The following ERBB4 variants were observed in gnomAD, a reference collection of about 807,000 sequenced individuals.
The protein encoded by ERBB4 is erb-b2 receptor tyrosine kinase 4, also known as receptor tyrosine-protein kinase erbB-4.
Under a neutral mutation model 158.0 loss-of-function variants are expected in ERBB4, and 42 were observed. The observed-to-expected ratio is 0.27, with a 90% CI of 0.21 to 0.34. The LOEUF is 0.34. Among genes scored for constraint, ERBB4 ranks in the 10% least tolerant of loss-of-function variants. The pLI is 1.00. For missense variants in ERBB4, 1,333 were observed against 1,624.1 expected (o/e 0.82, Z 3.08); for synonymous variants, 583 against 558.7 (o/e 1.04, Z -0.61).
At chr2:211,448,467 TACACACACACAC>T (rs3067955) in intron 20 of ERBB4, among the ~76,000 whole-genome samples, 1 of 149,540 alleles carries the variant, frequency 6.7e-6, no homozygotes, top group Non-Finnish European at 1.5e-5. Context: ...CCCAAACAGA[TACACACACACAC>T]ACACACACAC....
At chr2:211,651,141 AC>A (rs543386004) in intron 16 of ERBB4, among the ~76,000 whole-genome samples, 54 of 152,188 alleles carry the variant, frequency 3.5e-4, no homozygotes, top group Non-Finnish European at 5.4e-4. Flanking sequence ...CTGAGACCTT[AC>A]CTTACAGTAT....
chr2:211,947,151 C>A (rs1036347275), intron 3 of ERBB4, among the ~76,000 whole-genome samples: 4 of 152,126 alleles, frequency 2.6e-5, no homozygotes, highest in Non-Finnish European at 5.9e-5. Flanking sequence ...CCAAACACAG[C>A]ATGTTTCATA....
intron 5 of ERBB4, among the ~76,000 whole-genome samples, chr2:211,749,096 T>G (rs2075054831): frequency 6.6e-6 from 1 of 152,220 alleles, no homozygotes; most frequent in Admixed American, 6.5e-5. Context: ...CTGACTATGT[T>G]TCATCTAACC....
intron 2 of ERBB4, among the ~76,000 whole-genome samples, chr2:211,995,065 C>A (rs149432504): frequency 6.6e-6 from 1 of 152,130 alleles, no homozygotes; most frequent in Non-Finnish European, 1.5e-5. Context: ...AACAAAAAAC[C>A]CTGAGTGGGG....
At chr2:211,984,101 T>C (rs1350630787) in intron 2 of ERBB4, among the ~76,000 whole-genome samples, 1 of 152,094 alleles carries the variant, frequency 6.6e-6, no homozygotes, top group Non-Finnish European at 1.5e-5. Flanking sequence ...TGCCAGCAGA[T>C]TCAGTGGCTG....
Position 211,725,204 on chromosome 2 carries a change from A to C in ERBB4, c.623-10T>G. On this transcript the variant is annotated splice_polypyrimidine_tract_variant and intron_variant, in intron 5 of 27. Transcript: ENST00000342788. ...CACACCGTCCTTGTCACTGCAGAAG[A>C]CAGAGATAGGACCATGATCAAAGTC... 1 of 1,597,974 alleles carries C rather than the reference A, an allele frequency of 6.3e-7. No homozygotes were observed. The highest frequency in any genetic ancestry group is 8.6e-7 in the Non-Finnish European group (1 of 1,165,270).
At chr2:211,966,036 A>T (rs1448280097) in intron 2 of ERBB4, among the ~76,000 whole-genome samples, 1 of 151,830 alleles carries the variant, frequency 6.6e-6, no homozygotes, top group African/African-American at 2.4e-5. Flanking sequence ...ACTCAGGGAG[A>T]CCCTCTCTCT....
intron 19 of ERBB4, among the ~76,000 whole-genome samples, chr2:211,618,523 G>C (rs2069478353): frequency 6.6e-6 from 1 of 151,872 alleles, no homozygotes; most frequent in Non-Finnish European, 1.5e-5. Flanking sequence ...TAAAAAAAAA[G>C]TTTACTGATA....
chr2:211,686,151 G>C (rs2105981158), intron 12 of ERBB4, among the ~76,000 whole-genome samples: 1 of 152,138 alleles, frequency 6.6e-6, no homozygotes, highest in East Asian at 1.9e-4. Flanking sequence ...TGTTAAATGA[G>C]TGATAAGAGA....
chr2:211,460,734 G>A (rs1400774151), intron 20 of ERBB4, among the ~76,000 whole-genome samples: 1 of 151,886 alleles, frequency 6.6e-6, no homozygotes, highest in Non-Finnish European at 1.5e-5. Context: ...TATTTCTGCT[G>A]TTTTAAAAAC....
chr2:212,424,612 A>T (rs1186603319), intron 1 of ERBB4, among the ~76,000 whole-genome samples: 2 of 152,142 alleles, frequency 1.3e-5, no homozygotes, highest in African/African-American at 4.8e-5. Context: ...AATCAAGTTG[A>T]TGTCTTACTG....
chr2:212,404,625 G>A (rs185953113), intron 1 of ERBB4, among the ~76,000 whole-genome samples: 31 of 152,138 alleles, frequency 2.0e-4, no homozygotes, highest in African/African-American at 7.2e-4. Context: ...CAGCTGGAAA[G>A]TGTGCATTTG....
intron 4 of ERBB4, among the ~76,000 whole-genome samples, chr2:211,751,919 C>T (rs1319590250): frequency 6.6e-6 from 1 of 152,142 alleles, no homozygotes; most frequent in African/African-American, 2.4e-5. Flanking sequence ...TAATAAAATA[C>T]TTAGGTTCAA....
chr2:211,704,314 C>T, intron 10 of ERBB4, 120 bp from the exon 11 acceptor site: 1 of 720,010 alleles, frequency 1.4e-6, no homozygotes. Flanking sequence ...GGGTAGTGAA[C>T]ATTTCTATTT....
rs1355315177 is a variant in ERBB4, at chr2:212,418,500, A to G, written c.82+119949T>C. Among the ~76,000 whole-genome samples, 7 of 151,260 alleles carry G rather than the reference A, an allele frequency of 4.6e-5. No individual in the cohort carries two copies. In the East Asian group the frequency reaches 1.4e-3, roughly 29 times the overall value. On this transcript the variant is annotated intron_variant, in intron 1 of 27. Coordinates refer to ENST00000342788, the MANE Select transcript of ERBB4 (RefSeq NM_005235.3). ...TTTTATTGTAATTTTCAATCAATAGAGTCTGCCTTGCTAAAATAAAATAAA... is the reference window on the plus strand; with the variant it reads ...TTTTATTGTAATTTTCAATCAATAGGGTCTGCCTTGCTAAAATAAAATAAA...
At chr2:212,037,140 T>G (rs1177667863) in intron 2 of ERBB4, among the ~76,000 whole-genome samples, 1 of 152,102 alleles carries the variant, frequency 6.6e-6, no homozygotes, top group East Asian at 1.9e-4. Context: ...TGTTTTTGTT[T>G]TGTTTGTTTG....
chr2:212,314,611 A>C (rs1017437073), intron 1 of ERBB4, among the ~76,000 whole-genome samples: 10 of 151,152 alleles, frequency 6.6e-5, no homozygotes, highest in Non-Finnish European at 1.3e-4. Flanking sequence ...AAAAAGAATC[A>C]AATTTTGAAG....
At chr2:211,804,656 G>A (rs187356427) in intron 3 of ERBB4, among the ~76,000 whole-genome samples, 20 of 152,122 alleles carry the variant, frequency 1.3e-4, no homozygotes, top group African/African-American at 4.3e-4. Context: ...CTATAAACAC[G>A]CCAGGTAATA....
At chr2:212,471,783 T>G (rs1262668841) in intron 1 of ERBB4, among the ~76,000 whole-genome samples, 1 of 151,974 alleles carries the variant, frequency 6.6e-6, no homozygotes, top group Non-Finnish European at 1.5e-5. Context: ...TTGTTAATGC[T>G]AATAACACTG....
Sources: gnomAD v4.1 joint callset for allele counts (sites outside exome capture counted in the v4.1 genomes callset) on GRCh38, gnomAD v4.1.1 for gene constraint, MANE v1.5 for transcripts, NCBI Gene and HGNC (gene_info 2026-07-23, HGNC 2026-07-21) for gene names.